RASGRF2: variants seen among roughly 807,000 people sequenced by gnomAD.
The protein encoded by RASGRF2 is ras-specific guanine nucleotide-releasing factor 2.
Under a neutral mutation model 151.0 loss-of-function variants are expected in RASGRF2, and 76 were observed. The observed-to-expected ratio is 0.50, with a 90% CI of 0.42 to 0.61. The LOEUF (loss-of-function observed/expected upper bound fraction) is 0.61, where lower values mean the gene tolerates loss of function less well. RASGRF2 is among the 20% of genes least tolerant of loss of function. The pLI is 0.00. For missense variants in RASGRF2, 1,148 were observed against 1,564.6 expected (o/e 0.73, Z 4.49); for synonymous variants, 504 against 566.5 (o/e 0.89, Z 1.57).
chr5:81,050,453 G>T (rs1302816339), intron 2 of RASGRF2, among the ~76,000 whole-genome samples: 3 of 152,078 alleles, frequency 2.0e-5, no homozygotes, highest in Non-Finnish European at 4.4e-5. Flanking sequence ...GATATTTATT[G>T]CTTCCCTACC....
At chr5:81,194,064 C>T (rs538215745) in intron 18 of RASGRF2, among the ~76,000 whole-genome samples, 2 of 151,974 alleles carry the variant, frequency 1.3e-5, no homozygotes, top group East Asian at 3.9e-4. Flanking sequence ...TAAAATGTGG[C>T]CAGGTGTGGT....
At chr5:81,077,848 T>C (rs751610458) in intron 5 of RASGRF2, among the ~76,000 whole-genome samples, 11 of 152,170 alleles carry the variant, frequency 7.2e-5, no homozygotes, top group Non-Finnish European at 1.5e-4. Context: ...ATAAAGAGGC[T>C]GTGCCACATT....
At chr5:81,190,308 G>T (rs1322219975) in intron 18 of RASGRF2, among the ~76,000 whole-genome samples, 2 of 152,120 alleles carry the variant, frequency 1.3e-5, no homozygotes, top group African/African-American at 4.8e-5. Flanking sequence ...ATCTTTTACT[G>T]ACCGCTGCCC....
chr5:80,961,148 C>T (rs374890458), intron 1 of RASGRF2, 122 bp downstream of exon 1: 128 of 1,149,542 alleles, frequency 1.1e-4, no homozygotes, highest in South Asian at 1.5e-4. Context: ...CCGAAATCCC[C>T]CCGCGTCACC....
chr5:81,100,973 T>A (rs1463417378), intron 12 of RASGRF2, among the ~76,000 whole-genome samples: 1 of 152,184 alleles, frequency 6.6e-6, no homozygotes, highest in Non-Finnish European at 1.5e-5. Flanking sequence ...GAAAAACTCT[T>A]GGTGGAGAAG....
chr5:81,005,396 G>A (rs892788511), intron 1 of RASGRF2, among the ~76,000 whole-genome samples: 5 of 152,108 alleles, frequency 3.3e-5, no homozygotes, highest in African/African-American at 9.7e-5. Context: ...TCACTATCAC[G>A]AGGACAGCTT....
At chr5:81,157,990 A>AT in intron 17 of RASGRF2, among the ~76,000 whole-genome samples, 1 of 152,334 alleles carries the variant, frequency 6.6e-6, no homozygotes. Flanking sequence ...AAATACAAAT[A>AT]TTGGAAACCT....
At chr5:81,191,896 G>C (rs529721742) in intron 18 of RASGRF2, among the ~76,000 whole-genome samples, 1 of 152,038 alleles carries the variant, frequency 6.6e-6, no homozygotes, top group South Asian at 2.1e-4. Context: ...TTCTGGATGG[G>C]TTTTTTCCTT....
At chr5:81,016,172 C>G (rs1296050045) in intron 1 of RASGRF2, among the ~76,000 whole-genome samples, 1 of 152,148 alleles carries the variant, frequency 6.6e-6, no homozygotes, top group Non-Finnish European at 1.5e-5. Flanking sequence ...ACGTCAATCC[C>G]TAGCTGGAAT....
At chr5:81,149,551 C>T (rs934404615) in intron 17 of RASGRF2, among the ~76,000 whole-genome samples, 1 of 151,768 alleles carries the variant, frequency 6.6e-6, no homozygotes, top group Non-Finnish European at 1.5e-5. Flanking sequence ...ATGGGGGCAC[C>T]AAAGTCTCAG....
intron 12 of RASGRF2, among the ~76,000 whole-genome samples, chr5:81,103,449 A>G (rs1752758437): frequency 6.6e-6 from 1 of 152,118 alleles, no homozygotes; most frequent in African/African-American, 2.4e-5. Flanking sequence ...AGAAATTCAG[A>G]TGGAAAATAG....
In RASGRF2 at chr5:81,073,328, G is replaced by C; in HGVS notation, c.763G>C (p.Glu255Gln). The change falls in exon 5 of 27, where the codon GAG becomes CAG. Residue 255 changes from glutamate to glutamine, a missense_variant. Around this residue, in one of 5 missense-constraint regions of RASGRF2, gnomAD observed 176 missense variants for 309.6 expected, o/e 0.57. Transcript: ENST00000265080. ...NQIVFTMVEA[E>Q]SEYVHQLYIL... ...GATTGTGTTCACCATGGTGGAGGCA[G>C]AGTCAGAGTACGTTCACCAGCTCTA... 1 of 1,614,174 alleles carries C rather than the reference G, an allele frequency of 6.2e-7. No individual in the cohort carries two copies. Among genetic ancestry groups the C allele is most frequent in the Non-Finnish European group, 8.5e-7 (1 of 1,180,018 alleles).
intron 2 of RASGRF2, among the ~76,000 whole-genome samples, chr5:81,059,014 A>G (rs1476239209): frequency 3.3e-5 from 5 of 151,796 alleles, no homozygotes; most frequent in Non-Finnish European, 7.4e-5. Context: ...AATAGTTCCA[A>G]CTCTTCCCCC....
chr5:81,083,328 G>A (rs1371225722), intron 7 of RASGRF2, among the ~76,000 whole-genome samples: 1 of 148,422 alleles, frequency 6.7e-6, no homozygotes, highest in Non-Finnish European at 1.5e-5. Context: ...AGTTTATACT[G>A]CCAAGAGACC....
At chr5:81,128,417 A>G (rs1753528110) in intron 17 of RASGRF2, among the ~76,000 whole-genome samples, 1 of 152,192 alleles carries the variant, frequency 6.6e-6, no homozygotes, top group African/African-American at 2.4e-5. Flanking sequence ...AATCAAATAA[A>G]TAAATAAGCA....
intron 1 of RASGRF2, among the ~76,000 whole-genome samples, chr5:80,998,642 T>A (rs903048518): frequency 6.6e-6 from 1 of 152,254 alleles, no homozygotes; most frequent in African/African-American, 2.4e-5. Flanking sequence ...CTGGAGTTTC[T>A]TACTGACTTT....
intron 16 of RASGRF2, among the ~76,000 whole-genome samples, chr5:81,124,967 A>C (rs759273248): frequency 3.9e-5 from 6 of 151,984 alleles, no homozygotes; most frequent in Non-Finnish European, 5.9e-5. Flanking sequence ...GGCTCAGTGC[A>C]ACCTCCACCT....
intron 18 of RASGRF2, among the ~76,000 whole-genome samples, chr5:81,185,880 A>G (rs766180935): frequency 4.3e-4 from 66 of 152,316 alleles, no homozygotes; most frequent in Non-Finnish European, 8.4e-4. Context: ...CTTATAAGCA[A>G]AAAGTACTGA....
chr5:81,154,255 A>G (rs1285117200), intron 17 of RASGRF2, among the ~76,000 whole-genome samples: 1 of 152,212 alleles, frequency 6.6e-6, no homozygotes, highest in Non-Finnish European at 1.5e-5. Context: ...GAAAGTGTAT[A>G]CATTTGGGGT....
Sources: gnomAD v4.1 joint callset for allele counts (sites outside exome capture counted in the v4.1 genomes callset) on GRCh38, gnomAD v4.1.1 for gene constraint, gnomAD v4.1.1 regional missense constraint, MANE v1.5 for transcripts, NCBI Gene and HGNC (gene_info 2026-07-23, HGNC 2026-07-21) for gene names.